NLRP13: variants seen among roughly 807,000 people sequenced by gnomAD.
NLRP13 encodes NACHT, LRR and PYD domains-containing protein 13.
In NLRP13, 82 loss-of-function variants were observed where a neutral mutation model predicts 94.4. The observed-to-expected ratio is 0.87, with a 90% CI of 0.73 to 1.04. The LOEUF is 1.04. NLRP13 is among the 50% of genes least tolerant of loss of function. The pLI, the probability that NLRP13 is intolerant of heterozygous loss-of-function variation, is 0.00. For missense variants in NLRP13, 1,426 were observed against 1,230.8 expected, an observed-to-expected ratio of 1.16 and a Z score of -2.37; for synonymous variants, 553 against 464.7, an observed-to-expected ratio of 1.19 and a Z score of -2.45.
chr19:55,929,769 A>T (rs1304242554), intron 1 of NLRP13, among the ~76,000 whole-genome samples: 1 of 152,250 alleles, frequency 6.6e-6, no homozygotes, highest in Non-Finnish European at 1.5e-5. Flanking sequence ...AACTTGAAGT[A>T]TAATAAAAAA....
At chr19:55,920,781 C>G (rs1986800549) in intron 4 of NLRP13, among the ~76,000 whole-genome samples, 2 of 151,984 alleles carry the variant, frequency 1.3e-5, no homozygotes, top group Admixed American at 1.3e-4. Flanking sequence ...AAAATCATAT[C>G]ATAAAGATAC....
chr19:55,926,711 G>A (rs117876918), intron 1 of NLRP13, among the ~76,000 whole-genome samples: 3,023 of 152,252 alleles, frequency 0.02, 57 homozygotes, highest in Non-Finnish European at 0.03. Context: ...CTGCCCATGC[G>A]GAGGGTGGTG....
chr19:55,923,490 G>A (rs546351825), intron 4 of NLRP13, among the ~76,000 whole-genome samples: 24 of 152,268 alleles, frequency 1.6e-4, no homozygotes, highest in Non-Finnish European at 2.8e-4. Flanking sequence ...TCACCCACGC[G>A]CAGGAGTAGG....
In NLRP13 at chr19:55,913,548, C is replaced by CAAAAAAAAAAAAAAAAAAAAAA. The variant is rs10530056; in HGVS notation, c.524-277_524-256dup. Among the ~76,000 whole-genome samples, 41 of 52,048 alleles carry CAAAAAAAAAAAAAAAAAAAAAA rather than the reference C, an allele frequency of 7.9e-4. 1 individual carries two copies. Among genetic ancestry groups the CAAAAAAAAAAAAAAAAAAAAAA allele is most frequent in the South Asian group, 9.2e-4 (1 of 1,082 alleles). 34.1% of individuals were successfully genotyped at this position (52,048 alleles called of 152,430 possible). A position where few individuals can be genotyped will look rare whatever the true frequency, so the allele number is the denominator to read the frequency against. Reference sequence around the variant, plus strand: ...TGGGTGACAGAGTGAGACTCCGTCTCAAAAAAAAAAAAAAAAAAAAAAAGT... The same window carrying CAAAAAAAAAAAAAAAAAAAAAA: ...TGGGTGACAGAGTGAGACTCCGTCTCAAAAAAAAAAAAAAAAAAAAAAAAAAAAAAAAAAAAAAAAAAAAAGT... On this transcript the variant is annotated intron_variant, in intron 4 of 10. Coordinates refer to ENST00000342929, the MANE Select transcript of NLRP13 (RefSeq NM_176810.2).
chr19:55,927,922 C>T (rs1043801919), intron 1 of NLRP13, among the ~76,000 whole-genome samples: 4 of 152,138 alleles, frequency 2.6e-5, no homozygotes, highest in Non-Finnish European at 5.9e-5. Context: ...GTACGTGGGT[C>T]CCTGTATACA....
chr19:55,924,540 G>A lies in NLRP13; in HGVS notation c.457+50C>T, dbSNP rs534068039. ...GGCAGCAAATGTGGACCAATGAAAC[G>A]AGTGTTCCATCAAGCAACCTGTCAA... On this transcript the variant is annotated intron_variant, in intron 3 of 10. Transcript: ENST00000342929. 63 of 1,291,020 alleles carry A rather than the reference G, an allele frequency of 4.9e-5. 1 individual carries two copies. In the South Asian group the frequency reaches 6.0e-4, roughly 12 times the overall value. The allele number at this position is 1,291,020 out of a possible 1,614,324, so 80.0% of individuals were successfully genotyped here. A position where few individuals can be genotyped will look rare whatever the true frequency, so the allele number is the denominator to read the frequency against.
At chr19:55,906,756 C>G (rs921721777) in intron 7 of NLRP13, among the ~76,000 whole-genome samples, 2 of 11,666 alleles carry the variant, frequency 1.7e-4, no homozygotes, top group African/African-American at 7.7e-4. Flanking sequence ...GTTTACAGAC[C>G]CCCCCCTGCT....
intron 10 of NLRP13, among the ~76,000 whole-genome samples, chr19:55,896,545 G>A (rs1239800416): frequency 1.4e-5 from 2 of 141,140 alleles, no homozygotes; most frequent in South Asian, 4.7e-4. Context: ...AGGGCTGGGC[G>A]CGGTGGCTCA....
downstream of NLRP13, among the ~76,000 whole-genome samples, chr19:55,893,974 A>G (rs1288984329): frequency 1.3e-5 from 2 of 151,560 alleles, no homozygotes; most frequent in Non-Finnish European, 1.5e-5. Context: ...GTTCCTTGGC[A>G]TCTGGGATGA....
intron 5 of NLRP13, 120 bp downstream of exon 5, chr19:55,911,586 T>C (rs1009621932): frequency 4.3e-5 from 40 of 931,612 alleles, no homozygotes; most frequent in Middle Eastern, 3.4e-4. Flanking sequence ...TCCAGACCAT[T>C]TGGTCGGAAA....
At chr19:55,906,018 G>A (rs1226504298) in intron 7 of NLRP13, among the ~76,000 whole-genome samples, 2 of 152,108 alleles carry the variant, frequency 1.3e-5, no homozygotes, top group Non-Finnish European at 2.9e-5. Flanking sequence ...GGGAAAACTG[G>A]CTGGAACTGA....
At chr19:55,909,187 T>C (rs1454194836) in intron 6 of NLRP13, among the ~76,000 whole-genome samples, 1 of 152,092 alleles carries the variant, frequency 6.6e-6, no homozygotes, top group South Asian at 2.1e-4. Context: ...TCCTCTATAG[T>C]TCCCCCCCGG....
At chr19:55,923,355 G>A (rs1986885203) in intron 4 of NLRP13, among the ~76,000 whole-genome samples, 1 of 152,178 alleles carries the variant, frequency 6.6e-6, no homozygotes, top group Non-Finnish European at 1.5e-5. Context: ...GCAAAGCTTT[G>A]GGGAAGAATG....
At chr19:55,906,114 G>T (rs908088752) in intron 7 of NLRP13, among the ~76,000 whole-genome samples, 3 of 152,024 alleles carry the variant, frequency 2.0e-5, no homozygotes, top group Non-Finnish European at 2.9e-5. Flanking sequence ...AAGGCGAGTG[G>T]ATCACCTGAG....
intron 5 of NLRP13, 104 bp from the exon 6 acceptor site, chr19:55,910,837 T>C (rs1007966632): frequency 1.6e-5 from 16 of 1,011,962 alleles, no homozygotes; most frequent in Non-Finnish European, 2.3e-5. Context: ...AAAATTATTA[T>C]AATTTTCCTA....
Position 55,907,795 on chromosome 19 carries a change from A to AGATACTT in NLRP13, c.2437_2443dup (p.Leu815GlnfsTer36), listed in dbSNP as rs764504158. On this transcript the variant is annotated frameshift_variant, in exon 7 of 11. Transcript: ENST00000342929. LOFTEE classifies it high-confidence loss of function. ...ATCTAGGGAGCCAAAGACTTACCAC[A>AGATACTT]GATACTTGAGGTTGCAAGCTGAGTG... The AGATACTT allele has an allele frequency of 6.2e-7, 1 of 1,613,816 alleles. No homozygotes were observed. Among genetic ancestry groups the AGATACTT allele is most frequent in the Non-Finnish European group, 8.5e-7 (1 of 1,179,878 alleles).
intron 4 of NLRP13, among the ~76,000 whole-genome samples, chr19:55,923,075 G>A (rs1050302442): frequency 4.6e-5 from 7 of 152,144 alleles, no homozygotes; most frequent in African/African-American, 1.4e-4. Context: ...TAGAATGTAT[G>A]TTTTACTTTC....
Position 55,913,189 on chromosome 19 carries a change from C to A in NLRP13, c.628G>T (p.Asp210Tyr). ...DHVYIRNTSK[D>Y]EHEELQRLLD... is the part of the protein sequence containing the mutation. ...AGGCGCTGCAGTTCCTCATGTTCGTCCTTTGATGTATTACGGATATATACG... is the reference window on the plus strand; with the variant it reads ...AGGCGCTGCAGTTCCTCATGTTCGTACTTTGATGTATTACGGATATATACG... The change falls in exon 5 of 11, where the codon GAC becomes TAC. Residue 210 changes from aspartate to tyrosine, a missense_variant. Asp to Tyr is a radical substitution (Grantham distance 160). Coordinates refer to ENST00000342929, the MANE Select transcript of NLRP13 (RefSeq NM_176810.2). The A allele has an allele frequency of 6.2e-7, 1 of 1,614,100 alleles. No homozygotes were observed. Among genetic ancestry groups the A allele is most frequent in the Non-Finnish European group, 8.5e-7 (1 of 1,180,026 alleles).
At chr19:55,923,250 T>C (rs1317679781) in intron 4 of NLRP13, among the ~76,000 whole-genome samples, 1 of 152,202 alleles carries the variant, frequency 6.6e-6, no homozygotes. Flanking sequence ...ATCCCGTTTA[T>C]AGTAACCTAT....
Sources: gnomAD v4.1 joint callset for allele counts (sites outside exome capture counted in the v4.1 genomes callset) on GRCh38, gnomAD v4.1.1 for gene constraint, MANE v1.5 for transcripts, NCBI Gene and HGNC (gene_info 2026-07-23, HGNC 2026-07-21) for gene names.